Variants in ZNF563 observed in about 807,000 individuals in gnomAD.
The protein encoded by ZNF563 is zinc finger protein 563.
ZNF563 carries 39 observed loss-of-function variants against 48.5 expected under a neutral mutation model. The ratio of observed to expected loss-of-function variants is 0.80; its 90% CI spans 0.62 to 1.05. The LOEUF is 1.05. ZNF563 is among the 50% of genes least tolerant of loss of function. The pLI, the probability that ZNF563 is intolerant of heterozygous loss-of-function variation, is 0.00. For missense variants in ZNF563, 538 were observed against 597.0 expected, an observed-to-expected ratio of 0.90 and a Z score of 1.03; for synonymous variants, 168 against 187.9, an observed-to-expected ratio of 0.89 and a Z score of 0.87.
At chr19:12,327,127 G>T (rs1968813244) in intron 1 of ZNF563, among the ~76,000 whole-genome samples, 1 of 152,118 alleles carries the variant, frequency 6.6e-6, no homozygotes, top group Admixed American at 6.6e-5. Flanking sequence ...AATAGGATAA[G>T]AAAATCATAT....
At chr19:12,344,545 G>T in the ZNF563 span, among the ~76,000 whole-genome samples, 1 of 152,052 alleles carries the variant, frequency 6.6e-6, no homozygotes, top group Admixed American at 6.6e-5. Context: ...AAATACATTT[G>T]ATAAACCAGG....
chr19:12,328,665 G>A (rs1968851471), intron 1 of ZNF563, among the ~76,000 whole-genome samples: 1 of 152,116 alleles, frequency 6.6e-6, no homozygotes, highest in African/African-American at 2.4e-5. Flanking sequence ...AGCTACTCAG[G>A]AGGCTGAGGC....
the ZNF563 span, among the ~76,000 whole-genome samples, chr19:12,343,727 T>C: frequency 8.3e-6 from 1 of 120,592 alleles, no homozygotes; most frequent in East Asian, 2.1e-4. Flanking sequence ...CATAAATTCT[T>C]TTTTTTTTTT....
At chr19:12,339,604 AT>A in the ZNF563 span, among the ~76,000 whole-genome samples, 18 of 152,138 alleles carry the variant, frequency 1.2e-4, no homozygotes, top group African/African-American at 4.3e-4. Context: ...TTCTATCAAA[AT>A]AGCCACTCTA....
chr19:12,332,072 C>G (rs1447665363), intron 1 of ZNF563, among the ~76,000 whole-genome samples: 3 of 152,078 alleles, frequency 2.0e-5, no homozygotes, highest in Non-Finnish European at 2.9e-5. Context: ...AGTTAAAATA[C>G]TGTATTTGTT....
the ZNF563 span, chr19:12,345,830 G>A: frequency 6.6e-6 from 1 of 152,222 alleles, no homozygotes; most frequent in African/African-American, 2.4e-5. Context: ...TGAGGCATGA[G>A]AATCACTTGA....
chr19:12,329,366 G>A (rs1968868939), intron 1 of ZNF563, among the ~76,000 whole-genome samples: 1 of 151,808 alleles, frequency 6.6e-6, no homozygotes, highest in African/African-American at 2.4e-5. Flanking sequence ...CCAGCTACTT[G>A]GGAGCCTGAG....
In ZNF563 at chr19:12,318,726, GC is replaced by G. The variant is rs1356415686; in HGVS notation, c.1298del (p.Ser433ThrfsTer9). 1.9e-6 allele frequency: 3 copies of G among 1,614,088 alleles called. No individual in the cohort carries two copies. In the African/African-American group the frequency reaches 4.0e-5, roughly 22 times the overall value. On this transcript the variant is annotated frameshift_variant, in exon 4 of 4. Coordinates refer to ENST00000293725, the MANE Select transcript of ZNF563 (RefSeq NM_145276.3). LOFTEE classifies it high-confidence loss of function. ...TTACCATATGTCTTCGAAAGCTTGAGCTATGAGATAACGCTTTCCCACACTG... is the reference window on the plus strand; with the variant it reads ...TTACCATATGTCTTCGAAAGCTTGAGTATGAGATAACGCTTTCCCACACTG... Reference protein sequence around the residue: ...CKQCGKALSHSSSFRRHMVMH... With the variant: ...CKQCGKALSHXSSFRRHMVMH...
chr19:12,325,513 A>G (rs1342249693), intron 1 of ZNF563, among the ~76,000 whole-genome samples: 1 of 151,962 alleles, frequency 6.6e-6, no homozygotes, highest in African/African-American at 2.4e-5. Context: ...ACCTAAGTCT[A>G]AAAGGAAAAA....
chr19:12,329,237 G>C (rs1294810218), intron 1 of ZNF563, among the ~76,000 whole-genome samples: 1 of 152,168 alleles, frequency 6.6e-6, no homozygotes, highest in Non-Finnish European at 1.5e-5. Context: ...ACTTTGGAAG[G>C]CCAAGGCAGG....
the ZNF563 span, among the ~76,000 whole-genome samples, chr19:12,344,833 G>A: frequency 6.6e-6 from 1 of 151,866 alleles, no homozygotes; most frequent in African/African-American, 2.4e-5. Flanking sequence ...ACTCCACAAG[G>A]GAAAAATAAA....
intron 3 of ZNF563, among the ~76,000 whole-genome samples, chr19:12,320,354 T>A (rs1232539179): frequency 2.0e-5 from 3 of 152,128 alleles, no homozygotes; most frequent in Admixed American, 6.6e-5. Context: ...TTAATTAATT[T>A]ATTTTTTGAA....
chr19:12,335,889 C>T (rs191141127), upstream of ZNF563, among the ~76,000 whole-genome samples: 1 of 152,302 alleles, frequency 6.6e-6, no homozygotes. Flanking sequence ...TCTGAAGCTT[C>T]CTGGATATAC....
At chr19:12,329,953 T>C (rs1427941867) in intron 1 of ZNF563, among the ~76,000 whole-genome samples, 3 of 151,716 alleles carry the variant, frequency 2.0e-5, no homozygotes, top group African/African-American at 7.3e-5. Context: ...GGAGTTTTGC[T>C]CTTGTTGCCC....
intron 1 of ZNF563, among the ~76,000 whole-genome samples, chr19:12,324,763 G>T (rs992000263): frequency 6.9e-6 from 1 of 145,162 alleles, no homozygotes; most frequent in Non-Finnish European, 1.5e-5. Context: ...CCAACAAAGT[G>T]ACAGCTTTGC....
chr19:12,329,925 C>CTTTTT (rs113676690), intron 1 of ZNF563, among the ~76,000 whole-genome samples: 1 of 145,656 alleles, frequency 6.9e-6, no homozygotes, highest in African/African-American at 2.5e-5. Flanking sequence ...CTTTTCTTTT[C>CTTTTT]TTTTTTTTTT....
At chr19:12,340,040 GA>G in the ZNF563 span, among the ~76,000 whole-genome samples, 1 of 152,058 alleles carries the variant, frequency 6.6e-6, no homozygotes. Context: ...AGTGCTAAAA[GA>G]AAAATAAATG....
chr19:12,325,775 G>A (rs766247456), intron 1 of ZNF563, among the ~76,000 whole-genome samples: 1 of 152,186 alleles, frequency 6.6e-6, no homozygotes, highest in Non-Finnish European at 1.5e-5. Context: ...GACTGGAAGA[G>A]GTCAGGTTTT....
the ZNF563 span, among the ~76,000 whole-genome samples, chr19:12,342,955 T>G: frequency 2.0e-5 from 3 of 151,496 alleles, no homozygotes; most frequent in Admixed American, 6.6e-5. Context: ...CCCAGCACTT[T>G]GGGAGGCCGA....
Sources: gnomAD v4.1 joint callset for allele counts (sites outside exome capture counted in the v4.1 genomes callset) on GRCh38, gnomAD v4.1.1 for gene constraint, MANE v1.5 for transcripts, NCBI Gene and HGNC (gene_info 2026-07-23, HGNC 2026-07-21) for gene names.